CGNL1: variants seen among roughly 807,000 people sequenced by gnomAD.
CGNL1 encodes cingulin like 1.
Under a neutral mutation model 141.2 loss-of-function variants are expected in CGNL1, and 132 were observed. The ratio of observed to expected loss-of-function variants is 0.93; its 90% CI spans 0.81 to 1.08. CGNL1 has a LOEUF of 1.08. Ranked by LOEUF, CGNL1 falls within the 50% of genes least tolerant of loss-of-function variation. The probability of loss-of-function intolerance (pLI) is 0.00; values close to 1 mark genes in which losing one functional copy is unlikely to be tolerated. For missense variants in CGNL1, 1,870 were observed against 1,588.6 expected, an observed-to-expected ratio of 1.18 and a Z score of -3.01; for synonymous variants, 690 against 622.1, an observed-to-expected ratio of 1.11 and a Z score of -1.63.
At chr15:57,513,308 C>A (rs1025624766) in intron 8 of CGNL1, among the ~76,000 whole-genome samples, 1 of 140,276 alleles carries the variant, frequency 7.1e-6, no homozygotes, top group Non-Finnish European at 1.6e-5. Context: ...GTGTGATTGG[C>A]TTCTTTAGGA....
At chr15:57,517,080 A>G (rs1266736269) in intron 9 of CGNL1, 94 bp downstream of exon 9, 3 of 1,213,054 alleles carry the variant, frequency 2.5e-6, no homozygotes, top group Non-Finnish European at 2.3e-6. Flanking sequence ...ATTTATTGTC[A>G]TGATGTAGTA....
chr15:57,531,917 T>C, intron 14 of CGNL1, 138 bp downstream of exon 14: 1 of 614,786 alleles, frequency 1.6e-6, no homozygotes. Context: ...TGAATAGTCA[T>C]CACCATAGTG....
intron 11 of CGNL1, among the ~76,000 whole-genome samples, chr15:57,523,943 C>T (rs1228181005): frequency 6.6e-6 from 1 of 152,204 alleles, no homozygotes; most frequent in Admixed American, 6.5e-5. Flanking sequence ...GAATCGACAT[C>T]TCTGTGCAGA....
At chr15:57,483,084 G>T (rs1173338268) in intron 8 of CGNL1, among the ~76,000 whole-genome samples, 1 of 152,168 alleles carries the variant, frequency 6.6e-6, no homozygotes, top group African/African-American at 2.4e-5. Context: ...ACTGCGCCTG[G>T]CCTACCTTTT....
chr15:57,423,061 T>C (rs1486692319), intron 1 of CGNL1, among the ~76,000 whole-genome samples: 2 of 152,134 alleles, frequency 1.3e-5, no homozygotes, highest in Non-Finnish European at 2.9e-5. Context: ...AGTGACTCTT[T>C]TTGTCTGGTT....
At chr15:57,516,014 C>A (rs189137300) in intron 8 of CGNL1, among the ~76,000 whole-genome samples, 101 of 151,956 alleles carry the variant, frequency 6.6e-4, no homozygotes, top group African/African-American at 2.4e-3. Flanking sequence ...AAAAAATTAG[C>A]CAGGCGTGGT....
At chr15:57,456,629 T>TA (rs2063382434) in intron 7 of CGNL1, among the ~76,000 whole-genome samples, 1 of 147,440 alleles carries the variant, frequency 6.8e-6, no homozygotes, top group African/African-American at 2.5e-5. Flanking sequence ...GATTCTGAAA[T>TA]TTTTTTTTTT....
intron 8 of CGNL1, among the ~76,000 whole-genome samples, chr15:57,497,853 G>A (rs918253221): frequency 3.3e-5 from 5 of 152,220 alleles, no homozygotes; most frequent in African/African-American, 1.2e-4. Flanking sequence ...GTTGTATAGG[G>A]AGGCATTTCT....
chr15:57,451,406 T>A (rs909519899), intron 4 of CGNL1, 94 bp from the exon 5 acceptor site: 4 of 842,920 alleles, frequency 4.7e-6, no homozygotes, highest in Non-Finnish European at 3.8e-6. Context: ...TTATGCCTCA[T>A]CTGTTACTGC....
At chr15:57,523,402 G>A (rs1267307874) in intron 10 of CGNL1, 87 bp from the exon 11 acceptor site, 41 of 1,167,040 alleles carry the variant, frequency 3.5e-5, no homozygotes, top group Non-Finnish European at 4.8e-5. Flanking sequence ...TTGCTTTGCA[G>A]TGTGACTATG....
intron 1 of CGNL1, among the ~76,000 whole-genome samples, chr15:57,388,220 C>G (rs539499591): frequency 5.9e-5 from 9 of 152,194 alleles, no homozygotes; most frequent in Middle Eastern, 3.4e-3. Flanking sequence ...TTCTCTGATT[C>G]TGGAGAGGTG....
intron 1 of CGNL1, among the ~76,000 whole-genome samples, chr15:57,378,390 T>A (rs1207948807): frequency 1.5e-5 from 2 of 134,508 alleles, no homozygotes; most frequent in African/African-American, 5.6e-5. Flanking sequence ...TTTTTTTTTT[T>A]TTTTTTTTGA....
intron 1 of CGNL1, among the ~76,000 whole-genome samples, chr15:57,419,099 T>G (rs2062884638): frequency 6.6e-6 from 1 of 152,118 alleles, no homozygotes; most frequent in African/African-American, 2.4e-5. Context: ...GCCCGGCTAA[T>G]TTTTGTATTT....
intron 8 of CGNL1, among the ~76,000 whole-genome samples, chr15:57,505,878 T>C (rs2064095209): frequency 6.6e-6 from 1 of 152,224 alleles, no homozygotes; most frequent in South Asian, 2.1e-4. Context: ...TGGCATGATT[T>C]TTATAATTCA....
At chr15:57,528,904 C>A in intron 13 of CGNL1, 89 bp downstream of exon 13, 2 of 1,407,524 alleles carry the variant, frequency 1.4e-6, no homozygotes, top group Non-Finnish European at 9.6e-7. Context: ...TCAGCTCAGC[C>A]TTTGGGAAGT....
chr15:57,396,326 G>A (rs2062602338), intron 1 of CGNL1, among the ~76,000 whole-genome samples: 2 of 149,088 alleles, frequency 1.3e-5, no homozygotes, highest in Non-Finnish European at 3.0e-5. Flanking sequence ...CCAGGCTGGA[G>A]TACAGTGATG....
rs148917345 is a variant in CGNL1, at chr15:57,488,009, A to T, written c.2403+26117A>T. Among the ~76,000 whole-genome samples the T allele has an allele frequency of 4.9e-4, 75 of 152,314 alleles. 1 individual carries two copies. Among genetic ancestry groups the T allele is most frequent in the Non-Finnish European group, 8.5e-4 (58 of 68,026 alleles). On this transcript the variant is annotated intron_variant, in intron 8 of 18. Transcript: ENST00000281282. Reference sequence around the variant, plus strand: ...TTCCAAAGTGACAGAACCATTTCTCATTCCCCTAGTAATGCCTGAGGGTCT... The same window carrying T: ...TTCCAAAGTGACAGAACCATTTCTCTTTCCCCTAGTAATGCCTGAGGGTCT...
intron 1 of CGNL1, among the ~76,000 whole-genome samples, chr15:57,419,627 C>T (rs1429821735): frequency 6.6e-6 from 1 of 151,952 alleles, no homozygotes; most frequent in Non-Finnish European, 1.5e-5. Flanking sequence ...TTAGGAAGTC[C>T]CATTATGGGG....
chr15:57,481,401 A>G (rs775418751), intron 8 of CGNL1, among the ~76,000 whole-genome samples: 5 of 152,070 alleles, frequency 3.3e-5, no homozygotes, highest in Non-Finnish European at 5.9e-5. Context: ...TTTAAATTTT[A>G]TCATTTCCAG....
Sources: allele counts gnomAD v4.1 joint callset (sites outside exome capture counted in the v4.1 genomes callset), GRCh38; gene constraint gnomAD v4.1.1; transcripts MANE v1.5; gene names NCBI Gene and HGNC (gene_info 2026-07-23, HGNC 2026-07-21).